Variants in ASIC2 observed in about 807,000 individuals in gnomAD.
The protein encoded by ASIC2 is acid-sensing ion channel 2.
A neutral mutation model predicts 57.3 loss-of-function variants in ASIC2; 25 were observed. The ratio of observed to expected loss-of-function variants is 0.44; its 90% CI spans 0.32 to 0.61. The LOEUF (loss-of-function observed/expected upper bound fraction) is 0.61. Among genes scored for constraint, ASIC2 ranks in the 20% least tolerant of loss-of-function variants. The pLI is 0.06. For synonymous variants in ASIC2, 319 were observed against 307.5 expected, an observed-to-expected ratio of 1.04 and a Z score of -0.39; for missense variants, 641 against 738.1, an observed-to-expected ratio of 0.87 and a Z score of 1.52.
chr17:33,501,077 G>A (rs1015138800), intron 1 of ASIC2, among the ~76,000 whole-genome samples: 3 of 152,216 alleles, frequency 2.0e-5, no homozygotes, highest in African/African-American at 7.2e-5. Context: ...ACCATGGGTG[G>A]CATCTGAATC....
At chr17:33,659,561 A>G (rs1387898373) in intron 1 of ASIC2, among the ~76,000 whole-genome samples, 2 of 152,166 alleles carry the variant, frequency 1.3e-5, no homozygotes, top group African/African-American at 4.8e-5. Flanking sequence ...GTAAAGATAT[A>G]GCATAAATGA....
chr17:33,755,983 A>G (rs2142108554), intron 1 of ASIC2, among the ~76,000 whole-genome samples: 1 of 152,340 alleles, frequency 6.6e-6, no homozygotes, highest in South Asian at 2.1e-4. Context: ...ATGACCGGGA[A>G]CATTTGCTCC....
chr17:33,755,657 G>A (rs761970304), intron 1 of ASIC2, among the ~76,000 whole-genome samples: 1 of 152,208 alleles, frequency 6.6e-6, no homozygotes, highest in African/African-American at 2.4e-5. Context: ...CATACTGAAA[G>A]GGAAATTAGT....
At chr17:33,906,117 C>T (rs1741347022) in intron 1 of ASIC2, among the ~76,000 whole-genome samples, 1 of 151,122 alleles carries the variant, frequency 6.6e-6, no homozygotes, top group South Asian at 2.1e-4. Context: ...TGAGCCATCG[C>T]ACCTGGCCTT....
chr17:33,277,659 G>A (rs1173739997), intron 1 of ASIC2, among the ~76,000 whole-genome samples: 1 of 152,286 alleles, frequency 6.6e-6, no homozygotes, highest in East Asian at 1.9e-4. Context: ...GCAGAGGAAT[G>A]TGGTGCTAAT....
At chr17:33,975,874 A>C (rs978966291) in intron 1 of ASIC2, among the ~76,000 whole-genome samples, 2 of 152,022 alleles carry the variant, frequency 1.3e-5, no homozygotes, top group Non-Finnish European at 2.9e-5. Context: ...CTCAGCCTAC[A>C]TTTAATCCTC....
At chr17:33,522,180 C>G (rs1567638481) in intron 1 of ASIC2, among the ~76,000 whole-genome samples, 2 of 152,244 alleles carry the variant, frequency 1.3e-5, no homozygotes, top group Non-Finnish European at 2.9e-5. Flanking sequence ...CTTGTGCCCT[C>G]TGCTCAGTAC....
chr17:33,929,525 C>A (rs1365143696), intron 1 of ASIC2, among the ~76,000 whole-genome samples: 2 of 152,214 alleles, frequency 1.3e-5, no homozygotes, highest in African/African-American at 4.8e-5. Context: ...ACAGGCTTCC[C>A]TGCTGAGATC....
intron 1 of ASIC2, among the ~76,000 whole-genome samples, chr17:33,854,354 T>C (rs1913858756): frequency 1.3e-5 from 2 of 152,196 alleles, no homozygotes; most frequent in Non-Finnish European, 2.9e-5. Flanking sequence ...ATGTGTGGCA[T>C]TTGTTGGATG....
rs1461919002 is a variant in ASIC2 at position 33,489,017 on chromosome 17, CA to C, written c.556-376951del. ...ATGATCCCCTAGGCCACTGTGTCTTCAATGTTCTGCCTTCAAAGTCCCTGCC... is the reference window on the plus strand; with the variant it reads ...ATGATCCCCTAGGCCACTGTGTCTTCATGTTCTGCCTTCAAAGTCCCTGCC... On this transcript the variant is annotated intron_variant, in intron 1 of 9. Coordinates refer to the ASIC2 transcript ENST00000359872. Among the ~76,000 whole-genome samples the C allele has an allele frequency of 3.9e-5, 6 of 152,270 alleles. No individual in the cohort carries two copies. The East Asian group carries it at 1.2e-3, about 30-fold the overall frequency.
At chr17:33,635,190 A>C (rs1422086820) in intron 1 of ASIC2, 1 of 152,186 alleles carries the variant, frequency 6.6e-6, no homozygotes, top group Non-Finnish European at 1.5e-5. Context: ...ATTATAATGA[A>C]ATTAGGTTGA....
At chr17:34,071,101 C>CAA (rs2142068130) in intron 1 of ASIC2, 1 of 123,678 alleles carries the variant, frequency 8.1e-6, no homozygotes, top group African/African-American at 3.6e-5. Flanking sequence ...CTCAAGTGTG[C>CAA]ACACACCCTT....
intron 1 of ASIC2, among the ~76,000 whole-genome samples, chr17:33,467,774 C>CAACT (rs1912913086): frequency 6.6e-6 from 1 of 152,196 alleles, no homozygotes; most frequent in Admixed American, 6.5e-5. Flanking sequence ...CCCCACCTTC[C>CAACT]AACTGTCCCA....
At chr17:33,280,022 C>T (rs1204426264) in intron 1 of ASIC2, among the ~76,000 whole-genome samples, 3 of 152,154 alleles carry the variant, frequency 2.0e-5, no homozygotes, top group Non-Finnish European at 4.4e-5. Flanking sequence ...GAGATCTCAG[C>T]TACATCATTT....
intron 1 of ASIC2, among the ~76,000 whole-genome samples, chr17:33,722,744 C>T (rs907187913): frequency 6.6e-6 from 1 of 152,118 alleles, no homozygotes; most frequent in Non-Finnish European, 1.5e-5. Context: ...GCCGGGGTAA[C>T]AGGGTGAGAC....
chr17:33,706,568 A>G (rs1908871119), intron 1 of ASIC2, among the ~76,000 whole-genome samples: 1 of 152,084 alleles, frequency 6.6e-6, no homozygotes, highest in South Asian at 2.1e-4. Flanking sequence ...TATAAATTGT[A>G]CCATAGCAGT....
intron 1 of ASIC2, among the ~76,000 whole-genome samples, chr17:33,224,731 T>A (rs1907817150): frequency 6.6e-6 from 1 of 152,198 alleles, no homozygotes; most frequent in South Asian, 2.1e-4. Context: ...GGCATTTGCA[T>A]CAGTGCTTGA....
intron 2 of ASIC2, among the ~76,000 whole-genome samples, chr17:33,108,990 C>T (rs1005162330): frequency 6.6e-6 from 1 of 152,110 alleles, no homozygotes; most frequent in Non-Finnish European, 1.5e-5. Flanking sequence ...GCCACTAGCC[C>T]CCTGCAGCTA....
intron 1 of ASIC2, among the ~76,000 whole-genome samples, chr17:33,528,068 G>A (rs1914938064): frequency 6.6e-6 from 1 of 152,068 alleles, no homozygotes; most frequent in Admixed American, 6.6e-5. Context: ...TGCATCCAAG[G>A]TGAGAAGGTG....
Sources: allele counts gnomAD v4.1 joint callset (sites outside exome capture counted in the v4.1 genomes callset), GRCh38; gene constraint gnomAD v4.1.1; transcripts MANE v1.5; gene names NCBI Gene and HGNC (gene_info 2026-07-23, HGNC 2026-07-21).